The following MAN2A1 variants were observed in gnomAD, a reference collection of about 807,000 sequenced individuals.
The protein encoded by MAN2A1 is mannosidase alpha class 2A member 1, also known as alpha-mannosidase 2.
A neutral mutation model predicts 142.6 loss-of-function variants in MAN2A1; 76 were observed. The observed-to-expected ratio is 0.53, with a 90% CI of 0.44 to 0.65. The LOEUF is 0.65. Among genes scored for constraint, MAN2A1 ranks in the 30% least tolerant of loss-of-function variants. The pLI is 0.00. For synonymous variants in MAN2A1, 559 were observed against 473.2 expected (o/e 1.18, Z -2.35); for missense variants, 1,311 against 1,365.1 (o/e 0.96, Z 0.62).
intron 19 of MAN2A1, chr5:109,854,116 A>C (rs1260230690): frequency 6.6e-6 from 1 of 152,164 alleles, no homozygotes; most frequent in African/African-American, 2.4e-5. Context: ...CTTATATTAC[A>C]AAAAGGATGC....
intron 3 of MAN2A1, 69 bp downstream of exon 3, chr5:109,716,333 A>T (rs1751452499): frequency 1.2e-5 from 16 of 1,339,306 alleles, no homozygotes; most frequent in Non-Finnish European, 1.6e-5. Context: ...TTTAATGAGA[A>T]TCTGGTAGAG....
intron 16 of MAN2A1, among the ~76,000 whole-genome samples, chr5:109,824,960 A>G (rs185044068): frequency 9.3e-4 from 142 of 152,344 alleles, no homozygotes; most frequent in Non-Finnish European, 1.5e-3. Flanking sequence ...AGAATAACCC[A>G]TGATTCATAG....
At chr5:109,779,252 A>G (rs1284942155) in intron 8 of MAN2A1, among the ~76,000 whole-genome samples, 1 of 152,176 alleles carries the variant, frequency 6.6e-6, no homozygotes, top group Non-Finnish European at 1.5e-5. Flanking sequence ...AGAAGGAAGT[A>G]TTTTTATCTT....
At chr5:109,823,346 A>T (rs1468490904) in intron 15 of MAN2A1, among the ~76,000 whole-genome samples, 1 of 152,136 alleles carries the variant, frequency 6.6e-6, no homozygotes, top group African/African-American at 2.4e-5. Context: ...CCTGAACATT[A>T]GGGGGCTGGG....
At chr5:109,838,628 A>G (rs1324200823) in intron 16 of MAN2A1, among the ~76,000 whole-genome samples, 1 of 152,198 alleles carries the variant, frequency 6.6e-6, no homozygotes, top group African/African-American at 2.4e-5. Context: ...ACTGATCTTT[A>G]AAAAAATAAT....
intron 12 of MAN2A1, among the ~76,000 whole-genome samples, chr5:109,816,444 T>G (rs561957672): frequency 6.6e-6 from 1 of 152,318 alleles, no homozygotes; most frequent in Non-Finnish European, 1.5e-5. Flanking sequence ...ATCAATTTTT[T>G]TTTTCACCAT....
chr5:109,823,440 A>T (rs1191261190), intron 15 of MAN2A1, among the ~76,000 whole-genome samples: 1 of 152,218 alleles, frequency 6.6e-6, no homozygotes, highest in Non-Finnish European at 1.5e-5. Flanking sequence ...TATATGGACA[A>T]ATAGAAGGAT....
At chr5:109,787,831 C>T (rs1225918251) in intron 10 of MAN2A1, among the ~76,000 whole-genome samples, 1 of 151,882 alleles carries the variant, frequency 6.6e-6, no homozygotes, top group Non-Finnish European at 1.5e-5. Context: ...GGTGAAAACA[C>T]TTAATGCTGT....
chr5:109,831,740 A>G (rs986089710), intron 16 of MAN2A1, among the ~76,000 whole-genome samples: 5 of 151,976 alleles, frequency 3.3e-5, no homozygotes, highest in Admixed American at 3.3e-4. Flanking sequence ...ATCTTAATGT[A>G]GTATTTTTGT....
chr5:109,864,201 G>T (rs1281990314), intron 20 of MAN2A1: 2 of 152,146 alleles, frequency 1.3e-5, no homozygotes, highest in African/African-American at 4.8e-5. Flanking sequence ...AAAACTGTAT[G>T]TTTCTTAATT....
Position 109,823,706 on chromosome 5 carries a change from T to C in MAN2A1, c.2452-17T>C, listed in dbSNP as rs749795715. 104 of 1,285,386 alleles carry C rather than the reference T, an allele frequency of 8.1e-5. No individual in the cohort carries two copies. The Admixed American group carries it at 1.7e-3, about 21-fold the overall frequency. The allele number at this position is 1,285,386 out of a possible 1,614,324, so 79.6% of individuals were successfully genotyped here. A position where few individuals can be genotyped will look rare whatever the true frequency, so the allele number is the denominator to read the frequency against. ...GAAGCCAAAATATTTTTCTTAAATA[T>C]ATTATTTTCTTTTCAGCCTTATGTT... On this transcript the variant is annotated splice_polypyrimidine_tract_variant and intron_variant, in intron 15 of 21. Transcript: ENST00000261483.
chr5:109,861,119 G>T (rs1755744288), intron 20 of MAN2A1, among the ~76,000 whole-genome samples: 1 of 152,284 alleles, frequency 6.6e-6, no homozygotes, highest in African/African-American at 2.4e-5. Context: ...ATGAGACTTA[G>T]AGCAAGTCAC....
At chr5:109,779,161 T>C (rs1032135368) in intron 8 of MAN2A1, among the ~76,000 whole-genome samples, 1 of 152,166 alleles carries the variant, frequency 6.6e-6, no homozygotes, top group Non-Finnish European at 1.5e-5. Flanking sequence ...TACTGAGTTA[T>C]TTTTCTACCC....
intron 16 of MAN2A1, among the ~76,000 whole-genome samples, chr5:109,832,874 C>A (rs1268169753): frequency 6.9e-6 from 1 of 144,000 alleles, no homozygotes; most frequent in African/African-American, 2.9e-5. Flanking sequence ...ACTTCCCAGA[C>A]GGGGCGGCTG....
intron 12 of MAN2A1, among the ~76,000 whole-genome samples, chr5:109,804,752 T>A (rs1256139608): frequency 6.6e-6 from 1 of 152,188 alleles, no homozygotes; most frequent in Non-Finnish European, 1.5e-5. Flanking sequence ...TGTTTTCTCC[T>A]CTATTCACCT....
At chr5:109,858,335 C>T (rs1209860089) in intron 20 of MAN2A1, among the ~76,000 whole-genome samples, 2 of 152,074 alleles carry the variant, frequency 1.3e-5, no homozygotes, top group Non-Finnish European at 2.9e-5. Context: ...TAAAGAATTC[C>T]CTAACCTGAT....
chr5:109,768,908 T>C lies in MAN2A1; in HGVS notation c.1009+1200T>C, dbSNP rs546337146. ...ATAAATATCAGTTAGTATGAAATTA[T>C]TGAGTACTTTTATGTATTTCAGTAT... On this transcript the variant is annotated intron_variant, in intron 6 of 21. Transcript: ENST00000261483. 3.3e-5 allele frequency among the ~76,000 whole-genome samples: 5 copies of C among 152,338 alleles called. No homozygotes were observed. In the South Asian group the frequency reaches 1.0e-3, roughly 32 times the overall value.
At chr5:109,726,477 A>G (rs1477437545) in intron 3 of MAN2A1, among the ~76,000 whole-genome samples, 1 of 152,182 alleles carries the variant, frequency 6.6e-6, no homozygotes, top group Admixed American at 6.5e-5. Flanking sequence ...TGATATCAGT[A>G]TGAGTTTTAT....
intron 4 of MAN2A1, among the ~76,000 whole-genome samples, chr5:109,739,842 C>T (rs182012236): frequency 1.3e-5 from 2 of 152,286 alleles, no homozygotes; most frequent in East Asian, 3.9e-4. Flanking sequence ...GTTGCCTAGC[C>T]CAGACAAGTC....
Sources: allele counts gnomAD v4.1 joint callset (sites outside exome capture counted in the v4.1 genomes callset), GRCh38; gene constraint gnomAD v4.1.1; transcripts MANE v1.5; gene names NCBI Gene and HGNC (gene_info 2026-07-23, HGNC 2026-07-21).